Variants in BIRC6 observed in about 807,000 individuals in gnomAD.
BIRC6 encodes the protein baculoviral IAP repeat containing 6, also known as dual E2 ubiquitin-conjugating enzyme/E3 ubiquitin-protein ligase BIRC6.
BIRC6 carries 98 observed loss-of-function variants against 503.3 expected under a neutral mutation model. The ratio of observed to expected loss-of-function variants is 0.19; its 90% CI spans 0.17 to 0.23. The LOEUF is 0.23. Ranked by LOEUF, BIRC6 falls within the 10% of genes least tolerant of loss-of-function variation. The pLI is 1.00. For synonymous variants in BIRC6, 2,240 were observed against 2,078.7 expected (o/e 1.08, Z -2.11); for missense variants, 5,360 against 5,806.0 (o/e 0.92, Z 2.50).
chr2:32,509,538 C>A, intron 51 of BIRC6, 200 bp from the exon 52 acceptor site: 2 of 607,880 alleles, frequency 3.3e-6, no homozygotes, highest in Non-Finnish European at 5.6e-6. Flanking sequence ...CAGGTGTTAG[C>A]CACCGTGCCT....
intron 65 of BIRC6, among the ~76,000 whole-genome samples, chr2:32,554,036 G>A (rs1008051467): frequency 6.6e-6 from 1 of 151,946 alleles, no homozygotes; most frequent in African/African-American, 2.4e-5. Context: ...TTACCCCTCT[G>A]GCCACTAGAT....
At chr2:32,418,640 C>T (rs2042624518) in intron 10 of BIRC6, among the ~76,000 whole-genome samples, 1 of 152,164 alleles carries the variant, frequency 6.6e-6, no homozygotes, top group African/African-American at 2.4e-5. Context: ...CACCCCGGTG[C>T]ACATCTTTAT....
Position 32,491,466 on chromosome 2 carries a change from C to G in BIRC6, c.8248C>G (p.His2750Asp). Reference protein sequence around the residue: ...SAIGTQESTAHLLVSDPNLIH... With the variant: ...SAIGTQESTADLLVSDPNLIH... The stretch of plus-strand genomic sequence containing the variant: ...CATTGGAACTCAGGAGAGTACTGCT[C>G]ATTTGTTGGTTTCAGATCCAAACCT... The change falls in exon 44 of 74, where the codon CAT (histidine) becomes GAT (aspartate). Residue 2750 changes from histidine to aspartate, a missense_variant. His to Asp is a moderately conservative substitution (Grantham distance 81, BLOSUM62 -1). Coordinates refer to ENST00000421745, the MANE Select transcript of BIRC6 (RefSeq NM_016252.4). The G allele has an allele frequency of 6.2e-7, 1 of 1,613,580 alleles. No individual in the cohort carries two copies. Among genetic ancestry groups the G allele is most frequent in the Non-Finnish European group, 8.5e-7 (1 of 1,179,686 alleles).
chr2:32,498,692 A>T (rs992160632), intron 45 of BIRC6, among the ~76,000 whole-genome samples: 1 of 152,046 alleles, frequency 6.6e-6, no homozygotes, highest in African/African-American at 2.4e-5. Flanking sequence ...GGTTCATGCA[A>T]TTCTCATGCT....
intron 22 of BIRC6, among the ~76,000 whole-genome samples, chr2:32,452,916 A>G (rs1415685892): frequency 1.3e-5 from 2 of 152,222 alleles, no homozygotes; most frequent in East Asian, 1.9e-4. Flanking sequence ...CTGACCCCCA[A>G]TAAGACATTG....
chr2:32,477,513 A>C lies in BIRC6; in HGVS notation c.6998A>C (p.Gln2333Pro). 6.2e-7 allele frequency: 1 copy of C among 1,614,000 alleles called. No homozygotes were observed. The highest frequency in any genetic ancestry group is 1.1e-5 in the South Asian group (1 of 91,088). The stretch of plus-strand genomic sequence containing the variant: ...CATGAGCGTTGTATCTCAGTAGTCC[A>C]GAAACTTGTTCTGTTTCTTCTCTCC... ...LAHERCISVV[Q>P]KLVLFLLSMD... The change falls in exon 35 of 74, where the codon CAG (glutamine) becomes CCG (proline). Residue 2333 changes from glutamine (Q) to proline (P), a missense_variant. Gln to Pro is a moderately conservative substitution (Grantham distance 76). This residue lies in a region of BIRC6 where 2,299 missense variants were observed against 2,267.2 expected (regional missense o/e 1.01). Transcript: ENST00000421745.
intron 23 of BIRC6, among the ~76,000 whole-genome samples, chr2:32,459,079 A>T (rs912271833): frequency 1.6e-4 from 24 of 152,134 alleles, no homozygotes; most frequent in African/African-American, 5.5e-4. Flanking sequence ...TTAAAAATTG[A>T]TTTTCTAATT....
intron 1 of BIRC6, among the ~76,000 whole-genome samples, chr2:32,362,318 G>GT (rs766604562): frequency 0.02 from 2,740 of 137,414 alleles, 66 homozygotes; most frequent in African/African-American, 0.062. Context: ...TGCTGACTTT[G>GT]TTTTTTTTTT....
chr2:32,400,855 A>G (rs1371140707), intron 6 of BIRC6, among the ~76,000 whole-genome samples: 8 of 152,184 alleles, frequency 5.3e-5, no homozygotes, highest in Non-Finnish European at 1.0e-4. Flanking sequence ...GAGTTTAAAC[A>G]ATTTTGTAGT....
At chr2:32,509,427 G>T (rs891080054) in intron 51 of BIRC6, among the ~76,000 whole-genome samples, 1 of 152,134 alleles carries the variant, frequency 6.6e-6, no homozygotes, top group East Asian at 1.9e-4. Flanking sequence ...ACTAATCTTT[G>T]TATTTTTAGT....
rs754633473 is a variant in BIRC6, at chr2:32,512,993, T to C, written c.10407T>C (p.Ser3469=). The C allele has an allele frequency of 1.6e-5, 26 of 1,613,920 alleles. No individual in the cohort carries two copies. The highest frequency in any genetic ancestry group is 1.7e-4 in the Middle Eastern group (1 of 6,060). ...CAAGAGTGGCTGCTATGAAGAGAAG[T>C]GGCAGGATGAACTACATGTGTCCTA... ...DSARVAAMKR[S]GRMNYMCPNS... The change falls in exon 54 of 74, where the codon AGT becomes AGC. Residue 3469 remains serine (S), a synonymous_variant. Transcript: ENST00000421745.
At chr2:32,597,615 A>G in intron 68 of BIRC6, 136 bp from the exon 69 acceptor site, 1 of 660,378 alleles carries the variant, frequency 1.5e-6, no homozygotes, top group South Asian at 1.9e-5. Context: ...TTATGTAAAC[A>G]TTTACACTTT....
At chr2:32,383,213 AC>A (rs1455540084) in intron 3 of BIRC6, among the ~76,000 whole-genome samples, 1 of 147,756 alleles carries the variant, frequency 6.8e-6, no homozygotes, top group African/African-American at 2.5e-5. Context: ...CGCCTGGCTA[AC>A]TTTTGTATTT....
intron 10 of BIRC6, among the ~76,000 whole-genome samples, chr2:32,421,180 A>C (rs1032796401): frequency 1.0e-4 from 15 of 146,484 alleles, no homozygotes; most frequent in Non-Finnish European, 1.0e-4. Flanking sequence ...GATCTTGGCT[A>C]ACTGCAACCT....
intron 53 of BIRC6, among the ~76,000 whole-genome samples, 173 bp from the exon 54 acceptor site, chr2:32,512,760 T>C (rs2054574269): frequency 6.6e-6 from 1 of 152,210 alleles, no homozygotes; most frequent in Non-Finnish European, 1.5e-5. Context: ...AACTAGTATG[T>C]CTTTGTTGCC....
chr2:32,471,185 A>G (rs1430683635), intron 32 of BIRC6, 61 bp downstream of exon 32: 2 of 1,536,150 alleles, frequency 1.3e-6, no homozygotes, highest in East Asian at 5.0e-5. Flanking sequence ...GTTGGTGGGG[A>G]TTTTGAGTGA....
At chr2:32,477,704 G>T in intron 35 of BIRC6, 121 bp downstream of exon 35, 1 of 533,730 alleles carries the variant, frequency 1.9e-6, no homozygotes, top group Non-Finnish European at 3.1e-6. Flanking sequence ...TTCCAGACTA[G>T]TGTGGGCAAT....
intron 3 of BIRC6, 147 bp from the exon 4 acceptor site, chr2:32,388,603 C>A: frequency 1.7e-6 from 1 of 584,764 alleles, no homozygotes; most frequent in Non-Finnish European, 2.8e-6. Context: ...TTTTTTATAA[C>A]TGCAAGTTTC....
At chr2:32,533,715 T>G (rs1437458670) in intron 61 of BIRC6, among the ~76,000 whole-genome samples, 1 of 152,108 alleles carries the variant, frequency 6.6e-6, no homozygotes, top group African/African-American at 2.4e-5. Context: ...GATGTGATGA[T>G]GGAAGCATCC....
Sources: gnomAD v4.1 joint callset for allele counts (sites outside exome capture counted in the v4.1 genomes callset) on GRCh38, gnomAD v4.1.1 for gene constraint, gnomAD v4.1.1 regional missense constraint, MANE v1.5 for transcripts, NCBI Gene and HGNC (gene_info 2026-07-23, HGNC 2026-07-21) for gene names.